The following XPR1 variants were observed in gnomAD, a reference collection of about 807,000 sequenced individuals.
XPR1 encodes xenotropic and polytropic retrovirus receptor 1, also known as solute carrier family 53 member 1.
Under a neutral mutation model 87.5 loss-of-function variants are expected in XPR1, and 28 were observed. That is an observed-to-expected ratio of 0.32 (90% confidence interval 0.24 to 0.44). XPR1 has a LOEUF of 0.44. Among genes scored for constraint, XPR1 ranks in the 20% least tolerant of loss-of-function variants. The probability of loss-of-function intolerance (pLI) is 1.00; values close to 1 mark genes in which losing one functional copy is unlikely to be tolerated. For synonymous variants in XPR1, 300 were observed against 306.1 expected, an observed-to-expected ratio of 0.98 and a Z score of 0.21; for missense variants, 559 against 862.3, an observed-to-expected ratio of 0.65 and a Z score of 4.41.
At chr1:180,830,366 A>G (rs1157545606) in intron 9 of XPR1, among the ~76,000 whole-genome samples, 6 of 152,178 alleles carry the variant, frequency 3.9e-5, no homozygotes, top group Non-Finnish European at 8.8e-5. Flanking sequence ...GCACCAGAAA[A>G]TAATGTCTCA....
intron 2 of XPR1, among the ~76,000 whole-genome samples, chr1:180,729,615 C>T (rs1658483978): frequency 6.6e-6 from 1 of 152,116 alleles, no homozygotes; most frequent in African/African-American, 2.4e-5. Flanking sequence ...GAGATGGTAT[C>T]TCATTGTGGT....
chr1:180,704,811 GTTGTTTTTTTTT>G lies in XPR1; in HGVS notation c.121+22403_121+22414del, dbSNP rs1657500785. On this transcript the variant is annotated intron_variant, in intron 2 of 14. Coordinates refer to ENST00000367590, the MANE Select transcript of XPR1 (RefSeq NM_004736.4). The stretch of plus-strand genomic sequence containing the variant: ...TCAGCCATTTTTCCAGGGACTGTTG[GTTGTTTTTTTTT>G]TTTTTTTTTTTTTTTTAAGTAATAA... Among the ~76,000 whole-genome samples, 4 of 63,602 alleles carry G rather than the reference GTTGTTTTTTTTT, an allele frequency of 6.3e-5. No individual in the cohort carries two copies. The Admixed American group carries it at 6.4e-4, about 10-fold the overall frequency. 41.7% of individuals were successfully genotyped at this position (63,602 alleles called of 152,430 possible). A position where few individuals can be genotyped will look rare whatever the true frequency, so the allele number is the denominator to read the frequency against.
intron 1 of XPR1, among the ~76,000 whole-genome samples, chr1:180,649,388 G>A (rs1190065968): frequency 6.6e-6 from 1 of 152,008 alleles, no homozygotes; most frequent in Non-Finnish European, 1.5e-5. Context: ...CCAAGATCGC[G>A]CCACTGCACT....
chr1:180,633,736 ATTG>A (rs1432425755), intron 1 of XPR1, among the ~76,000 whole-genome samples: 3 of 152,216 alleles, frequency 2.0e-5, no homozygotes, highest in African/African-American at 7.2e-5. Context: ...GAGTTGATTT[ATTG>A]TTTCTAATAA....
intron 14 of XPR1, among the ~76,000 whole-genome samples, chr1:180,880,552 G>A (rs1190888794): frequency 1.3e-5 from 2 of 152,208 alleles, no homozygotes; most frequent in Non-Finnish European, 2.9e-5. Context: ...TGGAGGAAAA[G>A]GTTGTTGGAG....
At chr1:180,709,869 C>T (rs1309192828) in intron 2 of XPR1, among the ~76,000 whole-genome samples, 3 of 148,250 alleles carry the variant, frequency 2.0e-5, no homozygotes, top group Middle Eastern at 3.2e-3. Context: ...TGTTTTTCTC[C>T]TATTCTTGAG....
Position 180,801,442 on chromosome 1 carries a change from A to G in XPR1, c.224-1946A>G, listed in dbSNP as rs560217651. ...TTTATTTGGAAAGAGGAATGGAAAC[A>G]TGATTTTTGTTTTGAATACAGTCTT... On this transcript the variant is annotated intron_variant, in intron 3 of 14. Coordinates refer to ENST00000367590, the MANE Select transcript of XPR1 (RefSeq NM_004736.4). Among the ~76,000 whole-genome samples the G allele has an allele frequency of 7.2e-4, 110 of 152,378 alleles. 2 individuals carry two copies. The highest frequency in any genetic ancestry group is 2.0e-3 in the African/African-American group (83 of 41,596).
intron 1 of XPR1, among the ~76,000 whole-genome samples, chr1:180,659,221 C>G (rs1655655451): frequency 3.6e-5 from 1 of 27,402 alleles, no homozygotes; most frequent in African/African-American, 1.1e-4. Flanking sequence ...TTCCTTCCTT[C>G]CTTCCTTCCT....
chr1:180,686,262 A>T (rs1329696281), intron 2 of XPR1, among the ~76,000 whole-genome samples: 4 of 152,070 alleles, frequency 2.6e-5, no homozygotes, highest in Non-Finnish European at 5.9e-5. Context: ...GTCATTCAGG[A>T]GCAGGTTGTT....
At chr1:180,781,919 C>G (rs1396960171) in intron 2 of XPR1, among the ~76,000 whole-genome samples, 4 of 151,986 alleles carry the variant, frequency 2.6e-5, no homozygotes, top group Admixed American at 2.0e-4. Flanking sequence ...TTTCTATTAA[C>G]AGTAATTTGC....
intron 2 of XPR1, among the ~76,000 whole-genome samples, chr1:180,772,089 C>A (rs748486989): frequency 1.3e-5 from 2 of 152,026 alleles, no homozygotes; most frequent in African/African-American, 2.4e-5. Context: ...CTTTCTCACA[C>A]ATTTATTCAG....
chr1:180,832,860 C>T lies in XPR1; in HGVS notation c.1135-2014C>T, dbSNP rs189454504. On this transcript the variant is annotated intron_variant, in intron 9 of 14. Transcript: ENST00000367590. ...GGCTATGTGGGCTCTTTTTTGGTTCCATACGAAGTTTGAAGTAGTTTTTTA... is the reference window on the plus strand; with the variant it reads ...GGCTATGTGGGCTCTTTTTTGGTTCTATACGAAGTTTGAAGTAGTTTTTTA... Among the ~76,000 whole-genome samples, 163 of 152,208 alleles carry T rather than the reference C, an allele frequency of 1.1e-3. 2 individuals are homozygous for T. The Middle Eastern group carries it at 0.031, about 29-fold the overall frequency.
chr1:180,857,734 T>G (rs946993607), intron 11 of XPR1, among the ~76,000 whole-genome samples: 9 of 152,196 alleles, frequency 5.9e-5, no homozygotes, highest in Admixed American at 1.3e-4. Context: ...TTCCCTAGAA[T>G]GTACCTAGTT....
intron 11 of XPR1, among the ~76,000 whole-genome samples, chr1:180,841,180 C>A (rs917973199): frequency 1.3e-5 from 2 of 152,062 alleles, no homozygotes; most frequent in African/African-American, 4.8e-5. Context: ...ACCCCCAGCA[C>A]AGGTCTCTAA....
chr1:180,668,416 A>C (rs755604476), intron 1 of XPR1, among the ~76,000 whole-genome samples: 14 of 152,294 alleles, frequency 9.2e-5, no homozygotes, highest in Non-Finnish European at 1.8e-4. Context: ...GGCGTGAGCC[A>C]CTGCACCCAG....
chr1:180,819,929 A>G (rs1650561416), intron 7 of XPR1, among the ~76,000 whole-genome samples: 2 of 151,906 alleles, frequency 1.3e-5, no homozygotes, highest in African/African-American at 2.4e-5. Flanking sequence ...CTGAGGCAGG[A>G]GAATCACTTG....
intron 2 of XPR1, among the ~76,000 whole-genome samples, chr1:180,716,915 C>T (rs889426387): frequency 1.3e-5 from 2 of 152,184 alleles, no homozygotes; most frequent in African/African-American, 4.8e-5. Context: ...GATTATTTTT[C>T]AATATTCAGT....
intron 2 of XPR1, among the ~76,000 whole-genome samples, chr1:180,739,175 A>C (rs960231260): frequency 6.6e-6 from 1 of 152,174 alleles, no homozygotes; most frequent in African/African-American, 2.4e-5. Flanking sequence ...TTTGTCAAAA[A>C]TCAATTTACC....
At chr1:180,645,182 A>G (rs1655079223) in intron 1 of XPR1, among the ~76,000 whole-genome samples, 1 of 152,238 alleles carries the variant, frequency 6.6e-6, no homozygotes, top group Non-Finnish European at 1.5e-5. Flanking sequence ...TAGCATGGAC[A>G]AAGCCAGTTC....
Sources: gnomAD v4.1 joint callset for allele counts (sites outside exome capture counted in the v4.1 genomes callset) on GRCh38, gnomAD v4.1.1 for gene constraint, MANE v1.5 for transcripts, NCBI Gene and HGNC (gene_info 2026-07-23, HGNC 2026-07-21) for gene names.